Variants in NEUROG1 observed in about 807,000 individuals in gnomAD.
NEUROG1 encodes neurogenin 1.
Under a neutral mutation model 5.7 loss-of-function variants are expected in NEUROG1, and 5 were observed. That is an observed-to-expected ratio of 0.88 (90% CI 0.46 to 1.85). The LOEUF is 1.85. Ranked by LOEUF, NEUROG1 falls within the 40% of genes most tolerant of loss-of-function variation. The probability of loss-of-function intolerance (pLI) is 0.01; values close to 1 mark genes in which losing one functional copy is unlikely to be tolerated. For missense variants in NEUROG1, 403 were observed against 345.7 expected (o/e 1.17, Z -1.32); for synonymous variants, 196 against 157.4 (o/e 1.25, Z -1.84).
rs748453696 is a variant in NEUROG1 at position 135,535,489 on chromosome 5, C to G, written c.202G>C (p.Glu68Gln). ...CCGCGGCGCCGCCGCCTCTCCTGCT[C>G]GTCGTCCTGTGCCCCTGGAACCTCA... ...ASEVPGAQDD[E>Q]QERRRRRGRT... The change falls in exon 1 of 1, where the codon GAG becomes CAG. Residue 68 changes from glutamate to glutamine, a missense_variant. Transcript: ENST00000314744. The G allele has an allele frequency of 7.0e-6, 11 of 1,572,578 alleles. No individual in the cohort carries two copies. The highest frequency in any genetic ancestry group is 4.6e-5 in the East Asian group (2 of 43,056).
chr5:135,535,475 C>A lies in NEUROG1; in HGVS notation c.216G>T (p.Arg72=). 29 of 1,567,382 alleles carry A rather than the reference C, an allele frequency of 1.9e-5. No homozygotes were observed. Among genetic ancestry groups the A allele is most frequent in the Non-Finnish European group, 2.5e-5 (29 of 1,162,032 alleles). Residue 72 remains arginine, a synonymous_variant, in exon 1 of 1, where the codon CGG becomes CGT. Coordinates refer to ENST00000314744, the MANE Select transcript of NEUROG1 (RefSeq NM_006161.3). Reference sequence around the variant, plus strand: ...GGACCCGCGTCCGGCCGCGGCGCCGCCGCCTCTCCTGCTCGTCGTCCTGTG... The same window carrying A: ...GGACCCGCGTCCGGCCGCGGCGCCGACGCCTCTCCTGCTCGTCGTCCTGTG... ...PGAQDDEQER[R]RRRGRTRVRS... is the part of the protein sequence containing the mutation.
chr5:135,535,556 G>A lies in NEUROG1; in HGVS notation c.135C>T (p.Pro45=). 2.5e-6 allele frequency: 4 copies of A among 1,573,200 alleles called. No homozygotes were observed. The highest frequency in any genetic ancestry group is 3.4e-6 in the Non-Finnish European group (4 of 1,166,536). ...LQQAASASGP[P]APARRGAPNI... The stretch of plus-strand genomic sequence containing the variant: ...TGGGCGCGCCCCTGCGGGCCGGCGC[G>A]GGCGGCCCCGAAGCGGAGGCTGCCT... The change falls in exon 1 of 1, where the codon CCC becomes CCT. Residue 45 remains proline (P), a synonymous_variant. Transcript: ENST00000314744.
In NEUROG1 at chr5:135,535,466, G is replaced by A; in HGVS notation, c.225C>T (p.Arg75=). 6.4e-7 allele frequency: 1 copy of A among 1,565,410 alleles called. No homozygotes were observed. Among genetic ancestry groups the A allele is most frequent in the Non-Finnish European group, 8.6e-7 (1 of 1,160,748 alleles). The change falls in exon 1 of 1, where the codon CGC becomes CGT. Residue 75 remains arginine, a synonymous_variant. Transcript: ENST00000314744. ...QDDEQERRRR[R]GRTRVRSEAL... is the part of the protein sequence containing the mutation. ...CCTCGGAGCGGACCCGCGTCCGGCC[G>A]CGGCGCCGCCGCCTCTCCTGCTCGT...
Position 135,535,100 on chromosome 5 carries a change from A to G in NEUROG1, c.591T>C (p.Ser197=). ...GSGAAAASPL[S]DPSSPAASED... is the part of the protein sequence containing the mutation. ...CGGAGGCGGCTGGGCTACTGGGGTC[A>G]GAGAGCGGGGAGGCGGCGGCGGCAC... The change falls in exon 1 of 1, where the codon TCT becomes TCC. Residue 197 remains serine, a synonymous_variant. Transcript: ENST00000314744. 1 of 1,612,446 alleles carries G rather than the reference A, an allele frequency of 6.2e-7. No individual in the cohort carries two copies. Among genetic ancestry groups the G allele is most frequent in the Non-Finnish European group, 8.5e-7 (1 of 1,179,378 alleles).
In NEUROG1 at chr5:135,535,113, G is replaced by A. The variant is rs1416552810; in HGVS notation, c.578C>T (p.Ala193Val). 1.2e-6 allele frequency: 2 copies of A among 1,610,122 alleles called. No individual in the cohort carries two copies. The highest frequency in any genetic ancestry group is 1.7e-6 in the Non-Finnish European group (2 of 1,178,426). Residue 193 changes from alanine (A) to valine (V), a missense_variant, in exon 1 of 1, where the codon GCC becomes GTC. Transcript: ENST00000314744. ...GCTACTGGGGTCAGAGAGCGGGGAG[G>A]CGGCGGCGGCACCTGAGCCCCAGGA... ...AESWGSGAAA[A>V]SPLSDPSSPA... is the part of the protein sequence containing the mutation.
At position 135,535,451 on chromosome 5, in the gene NEUROG1, G is replaced by C; in HGVS notation, c.240C>G (p.Val80=). 1 of 1,574,312 alleles carries C rather than the reference G, an allele frequency of 6.4e-7. No homozygotes were observed. Among genetic ancestry groups the C allele is most frequent in the Non-Finnish European group, 8.6e-7 (1 of 1,163,500 alleles). The change falls in exon 1 of 1, where the codon GTC becomes GTG. Residue 80 remains valine (V), a synonymous_variant. Coordinates refer to ENST00000314744, the MANE Select transcript of NEUROG1 (RefSeq NM_006161.3). ...GCGAGTGCAGCAGCGCCTCGGAGCG[G>C]ACCCGCGTCCGGCCGCGGCGCCGCC... ...ERRRRRGRTR[V]RSEALLHSLR...
rs1007002916 is a variant in NEUROG1 at position 135,535,492 on chromosome 5, C to T, written c.199G>A (p.Asp67Asn). Residue 67 changes from aspartate to asparagine, a missense_variant, in exon 1 of 1, where the codon GAC becomes AAC. By Grantham distance (23) the Asp-to-Asn change is conservative. Transcript: ENST00000314744. ...CGGCGCCGCCGCCTCTCCTGCTCGT[C>T]GTCCTGTGCCCCTGGAACCTCAGAC... ...RASEVPGAQD[D>N]EQERRRRRGR... The T allele has an allele frequency of 3.2e-6, 5 of 1,571,558 alleles. No individual in the cohort carries two copies. Among genetic ancestry groups the T allele is most frequent in the South Asian group, 1.2e-5 (1 of 85,902 alleles).
In NEUROG1 at chr5:135,535,882, G is replaced by C; in HGVS notation, c.-192C>G. 2.0e-6 allele frequency: 1 copy of C among 494,232 alleles called. No homozygotes were observed. Among genetic ancestry groups the C allele is most frequent in the Middle Eastern group, 5.2e-4 (1 of 1,914 alleles). The allele number at this position is 494,232 out of a possible 1,614,324, so 30.6% of individuals were successfully genotyped here. On this transcript the variant is annotated 5_prime_UTR_variant, in exon 1 of 1. Coordinates refer to ENST00000314744, the MANE Select transcript of NEUROG1 (RefSeq NM_006161.3). ...GAACTTGGCCTGGCCTCCTCGCCTC[G>C]CCTGCAGGGGCCACGCGCCCGGCCG...
rs1750537257 is a variant in NEUROG1 at position 135,535,931 on chromosome 5, G to A, written c.-241C>T. On this transcript the variant is annotated 5_prime_UTR_variant, in exon 1 of 1. Coordinates refer to ENST00000314744, the MANE Select transcript of NEUROG1 (RefSeq NM_006161.3). ...CGGTCTCCTGAGTGATGTCGCCGGC[G>A]ATCAGATCAGCTCGTGTGAGCACCG... is the stretch of plus-strand genomic sequence containing the variant. The A allele has an allele frequency of 2.2e-6, 1 of 446,560 alleles. No individual in the cohort carries two copies. The highest frequency in any genetic ancestry group is 3.9e-6 in the Non-Finnish European group (1 of 253,446). 27.7% of individuals were successfully genotyped at this position (446,560 alleles called of 1,614,324 possible).
In NEUROG1 at chr5:135,535,575, G is replaced by A. The variant is rs1281269223; in HGVS notation, c.116C>T (p.Ala39Val). 2 of 1,586,092 alleles carry A rather than the reference G, an allele frequency of 1.3e-6. No homozygotes were observed. The highest frequency in any genetic ancestry group is 1.7e-5 in the Admixed American group (1 of 57,310). Residue 39 changes from alanine (A) to valine (V), a missense_variant, in exon 1 of 1, where the codon GCC (alanine) becomes GTC (valine). By Grantham distance (64) the Ala-to-Val change is moderately conservative (BLOSUM62 0). Coordinates refer to ENST00000314744, the MANE Select transcript of NEUROG1 (RefSeq NM_006161.3). ...CGGCGCGGGCGGCCCCGAAGCGGAGGCTGCCTGTTGGAGTCTGGCACAGTC... is the reference window on the plus strand; with the variant it reads ...CGGCGCGGGCGGCCCCGAAGCGGAGACTGCCTGTTGGAGTCTGGCACAGTC... ...EEDCARLQQA[A>V]SASGPPAPAR... is the part of the protein sequence containing the mutation.
rs772487296 is a variant in NEUROG1 at position 135,535,422 on chromosome 5, C to T, written c.269G>A (p.Arg90His). 1 of 1,597,360 alleles carries T rather than the reference C, an allele frequency of 6.3e-7. No individual in the cohort carries two copies. Among genetic ancestry groups the T allele is most frequent in the Non-Finnish European group, 8.5e-7 (1 of 1,172,722 alleles). ...GTTGGCCTTGACGCGCCGGCTCCTGCGCAGCGAGTGCAGCAGCGCCTCGGA... is the reference window on the plus strand; with the variant it reads ...GTTGGCCTTGACGCGCCGGCTCCTGTGCAGCGAGTGCAGCAGCGCCTCGGA... ...VRSEALLHSL[R>H]RSRRVKANDR... is the part of the protein sequence containing the mutation. The change falls in exon 1 of 1, where the codon CGC becomes CAC. Residue 90 changes from arginine (R) to histidine (H), a missense_variant. Transcript: ENST00000314744.
chr5:135,534,753 T>C lies in NEUROG1; in HGVS notation c.*224A>G, dbSNP rs1750495645. On this transcript the variant is annotated 3_prime_UTR_variant, in exon 1 of 1. Coordinates refer to ENST00000314744, the MANE Select transcript of NEUROG1 (RefSeq NM_006161.3). ...AGAAAGTGCAAAAGGAAAGGCCGTC[T>C]AGGGGCGGGCAGGAGGGGCGCTGGG... is the stretch of plus-strand genomic sequence containing the variant. 3 of 561,514 alleles carry C rather than the reference T, an allele frequency of 5.3e-6. No individual in the cohort carries two copies. The highest frequency in any genetic ancestry group is 9.3e-6 in the Non-Finnish European group (3 of 321,666). 34.8% of individuals were successfully genotyped at this position (561,514 alleles called of 1,614,324 possible). A position where few individuals can be genotyped will look rare whatever the true frequency, so the allele number is the denominator to read the frequency against.
In NEUROG1 at chr5:135,535,089, C is replaced by A; in HGVS notation, c.602G>T (p.Ser201Ile). The change falls in exon 1 of 1, where the codon AGC becomes ATC. Residue 201 changes from serine to isoleucine, a missense_variant. Coordinates refer to ENST00000314744, the MANE Select transcript of NEUROG1 (RefSeq NM_006161.3). ...AAASPLSDPS[S>I]PAASEDFTYR... is the part of the protein sequence containing the mutation. ...GGTGAAGTCTTCGGAGGCGGCTGGG[C>A]TACTGGGGTCAGAGAGCGGGGAGGC... is the stretch of plus-strand genomic sequence containing the variant. The A allele has an allele frequency of 1.2e-6, 2 of 1,613,050 alleles. No individual in the cohort carries two copies. Among genetic ancestry groups the A allele is most frequent in the Non-Finnish European group, 1.7e-6 (2 of 1,179,590 alleles).
Position 135,534,978 on chromosome 5 carries a change from T to C in NEUROG1, c.713A>G (p.Ter238TrpextTer17), listed in dbSNP as rs975758550. ...AAAGTAACAGTGTCTACAAAGGGCC[T>C]AGTGGTAAGGAATGAAACAGGGCGT... ...HTTPCFIPYH[*>W] The change falls in exon 1 of 1, where the codon TAG (stop) becomes TGG (tryptophan). Residue 238 changes from the stop codon to tryptophan (W), a stop_lost. Coordinates refer to ENST00000314744, the MANE Select transcript of NEUROG1 (RefSeq NM_006161.3). 2.5e-6 allele frequency: 4 copies of C among 1,612,988 alleles called. No individual in the cohort carries two copies. Among genetic ancestry groups the C allele is most frequent in the African/African-American group, 1.3e-5 (1 of 74,768 alleles).
chr5:135,535,154 G>T lies in NEUROG1; in HGVS notation c.537C>A (p.Pro179=). ...CVPCLPGPPS[P]ASDAESWGSG... ...AGCCCCAGGACTCCGCGTCGCTGGC[G>T]GGGCTTGGGGGACCGGGCAGGCAGG... is the stretch of plus-strand genomic sequence containing the variant. Residue 179 remains proline, a synonymous_variant, in exon 1 of 1, where the codon CCC becomes CCA. Transcript: ENST00000314744. 2.5e-6 allele frequency: 4 copies of T among 1,608,590 alleles called. No homozygotes were observed. Among genetic ancestry groups the T allele is most frequent in the Admixed American group, 1.7e-5 (1 of 59,628 alleles).
rs771543110 is a variant in NEUROG1 at position 135,535,287 on chromosome 5, C to T, written c.404G>A (p.Arg135His). 1 of 1,613,576 alleles carries T rather than the reference C, an allele frequency of 6.2e-7. No homozygotes were observed. The highest frequency in any genetic ancestry group is 8.5e-7 in the Non-Finnish European group (1 of 1,179,694). Residue 135 changes from arginine to histidine, a missense_variant, in exon 1 of 1, where the codon CGC (arginine) becomes CAC (histidine). Arg to His is a conservative substitution (Grantham distance 29, BLOSUM62 0). Transcript: ENST00000314744. Reference sequence around the variant, plus strand: ...AGCCCAGATGTAGTTGTAGGCGAAGCGCAGCGTCTCGATTTTGGTGAGCTT... The same window carrying T: ...AGCCCAGATGTAGTTGTAGGCGAAGTGCAGCGTCTCGATTTTGGTGAGCTT... ...DTKLTKIETL[R>H]FAYNYIWALA...
rs1172773914 is a variant in NEUROG1, at chr5:135,535,226, C to T, written c.465G>A (p.Leu155=). 6.2e-7 allele frequency: 1 copy of T among 1,612,606 alleles called. No homozygotes were observed. Among genetic ancestry groups the T allele is most frequent in the Non-Finnish European group, 8.5e-7 (1 of 1,179,460 alleles). ...AETLRLADQG[L]PGGGARERLL... is the part of the protein sequence containing the mutation. Reference sequence around the variant, plus strand: ...GGCGCTCCCGGGCACCGCCTCCGGGCAGCCCTTGATCCGCCAGGCGCAGTG... The same window carrying T: ...GGCGCTCCCGGGCACCGCCTCCGGGTAGCCCTTGATCCGCCAGGCGCAGTG... Residue 155 remains leucine, a synonymous_variant, in exon 1 of 1, where the codon CTG becomes CTA. Coordinates refer to ENST00000314744, the MANE Select transcript of NEUROG1 (RefSeq NM_006161.3).
chr5:135,535,683 G>T lies in NEUROG1; in HGVS notation c.8C>A (p.Ala3Asp). The change falls in exon 1 of 1, where the codon GCC (alanine) becomes GAC (aspartate). Residue 3 changes from alanine (A) to aspartate (D), a missense_variant. Coordinates refer to ENST00000314744, the MANE Select transcript of NEUROG1 (RefSeq NM_006161.3). ...GTCGGAGATGCAGGTCTCAAGGCGGGCTGGCATCGTTGCGCTGTGCAGGAC... is the reference window on the plus strand; with the variant it reads ...GTCGGAGATGCAGGTCTCAAGGCGGTCTGGCATCGTTGCGCTGTGCAGGAC... MP[A>D]RLETCISDLD... 6.4e-7 allele frequency: 1 copy of T among 1,559,844 alleles called. No homozygotes were observed.
In NEUROG1 at chr5:135,535,852, A is replaced by G; in HGVS notation, c.-162T>C. ...AGAGCCTGGAAGGGTGCAGGGGCGC[A>G]CGGAGAACTTGGCCTGGCCTCCTCG... On this transcript the variant is annotated 5_prime_UTR_variant, in exon 1 of 1. Transcript: ENST00000314744. 1.6e-6 allele frequency: 1 copy of G among 616,174 alleles called. No individual in the cohort carries two copies. 38.2% of individuals were successfully genotyped at this position (616,174 alleles called of 1,614,324 possible).
Sources: gnomAD v4.1 joint callset for allele counts on GRCh38, gnomAD v4.1.1 for gene constraint, MANE v1.5 for transcripts, NCBI Gene and HGNC (gene_info 2026-07-23, HGNC 2026-07-21) for gene names.